DSCAML1: variants seen among roughly 807,000 people sequenced by gnomAD.
DSCAML1 encodes cell adhesion molecule DSCAML1.
DSCAML1 carries 38 observed loss-of-function variants against 200.5 expected under a neutral mutation model. That is an observed-to-expected ratio of 0.19 (90% CI 0.15 to 0.25). The LOEUF is 0.25. Among genes scored for constraint, DSCAML1 ranks in the 10% least tolerant of loss-of-function variants. The probability of loss-of-function intolerance (pLI) is 1.00; values close to 1 mark genes in which losing one functional copy is unlikely to be tolerated. For synonymous variants in DSCAML1, 1,215 were observed against 1,165.0 expected (o/e 1.04, Z -0.87); for missense variants, 2,223 against 2,858.8 (o/e 0.78, Z 5.07).
At chr11:117,808,186 C>T (rs1455315885) in intron 1 of DSCAML1, among the ~76,000 whole-genome samples, 1 of 152,202 alleles carries the variant, frequency 6.6e-6, no homozygotes, top group Admixed American at 6.5e-5. Flanking sequence ...CCGCATGTTA[C>T]AGATGAGGAA....
At chr11:117,468,974 T>C (rs1361918413) in intron 16 of DSCAML1, among the ~76,000 whole-genome samples, 2 of 151,940 alleles carry the variant, frequency 1.3e-5, no homozygotes, top group Non-Finnish European at 2.9e-5. Context: ...GCCCCACTGT[T>C]GAGATGGGAA....
chr11:117,795,553 CCTTGGTG>C (rs1460468279), intron 1 of DSCAML1, among the ~76,000 whole-genome samples: 1 of 152,014 alleles, frequency 6.6e-6, no homozygotes, highest in Non-Finnish European at 1.5e-5. Flanking sequence ...CAGAGACCAG[CCTTGGTG>C]TGTAACCCGG....
chr11:117,457,672 G>A (rs544195806), intron 19 of DSCAML1, among the ~76,000 whole-genome samples: 3 of 152,238 alleles, frequency 2.0e-5, no homozygotes, highest in East Asian at 1.9e-4. Flanking sequence ...AGGGAGAGCC[G>A]GGAGATTAAG....
chr11:117,536,345 C>T (rs1200894664), intron 3 of DSCAML1, among the ~76,000 whole-genome samples: 4 of 152,182 alleles, frequency 2.6e-5, no homozygotes, highest in South Asian at 2.1e-4. Flanking sequence ...GCTGGCCTCC[C>T]GGGCTGGCAG....
chr11:117,567,853 A>C (rs1202003982), intron 3 of DSCAML1, among the ~76,000 whole-genome samples: 1 of 152,098 alleles, frequency 6.6e-6, no homozygotes, highest in Non-Finnish European at 1.5e-5. Context: ...AAAAGAGGGA[A>C]TCCTCCCTAA....
intron 11 of DSCAML1, among the ~76,000 whole-genome samples, chr11:117,490,531 G>T (rs997588503): frequency 1.3e-5 from 2 of 152,158 alleles, no homozygotes; most frequent in Non-Finnish European, 2.9e-5. Flanking sequence ...TTCCACTGGG[G>T]TCCAACTTAA....
intron 3 of DSCAML1, among the ~76,000 whole-genome samples, chr11:117,715,953 A>G (rs1300044146): frequency 6.6e-6 from 1 of 151,778 alleles, no homozygotes; most frequent in Non-Finnish European, 1.5e-5. Flanking sequence ...TTATTGCTTT[A>G]TTTCCCACCC....
intron 3 of DSCAML1, among the ~76,000 whole-genome samples, chr11:117,545,226 T>TTAAA (rs2050348555): frequency 7.4e-6 from 1 of 135,928 alleles, no homozygotes; most frequent in African/African-American, 2.9e-5. Context: ...CAAGATTCCG[T>TTAAA]AAAAAAAAAC....
At chr11:117,569,910 C>T (rs2050818812) in intron 3 of DSCAML1, among the ~76,000 whole-genome samples, 1 of 152,218 alleles carries the variant, frequency 6.6e-6, no homozygotes, top group African/African-American at 2.4e-5. Flanking sequence ...CTGTGAAGAA[C>T]AGAGCTGTTC....
In DSCAML1 at chr11:117,815,786, G is replaced by A. The variant is rs182778342; in HGVS notation, c.-250+1604C>T. The stretch of plus-strand genomic sequence containing the variant: ...CCTGCACCCTGTGAAGGGAAGCTCA[G>A]AATTCAGGGAGACTCAGGGTCCCCT... On this transcript the variant is annotated intron_variant, in intron 1 of 2. Transcript: ENST00000525836. Among the ~76,000 whole-genome samples the A allele has an allele frequency of 5.7e-3, 865 of 151,322 alleles. 7 individuals carry two copies. The highest frequency in any genetic ancestry group is 0.019 in the African/African-American group (805 of 41,418).
chr11:117,656,793 T>C (rs2052745464), intron 3 of DSCAML1, among the ~76,000 whole-genome samples: 1 of 152,144 alleles, frequency 6.6e-6, no homozygotes, highest in South Asian at 2.1e-4. Flanking sequence ...GTCCAGTCCA[T>C]GCCCAGGCCA....
chr11:117,540,296 C>T (rs4938404), intron 3 of DSCAML1, among the ~76,000 whole-genome samples: 11,949 of 152,160 alleles, frequency 0.079, 601 homozygotes, highest in East Asian at 0.11. Flanking sequence ...CACAGGAGTG[C>T]GAACCCTATT....
chr11:117,746,815 T>C (rs1159155123), intron 3 of DSCAML1, among the ~76,000 whole-genome samples: 1 of 152,188 alleles, frequency 6.6e-6, no homozygotes, highest in Non-Finnish European at 1.5e-5. Context: ...ACTCTTCGCC[T>C]GAGAAACTCC....
In DSCAML1 at chr11:117,470,627, A is replaced by G. The variant is rs117341623; in HGVS notation, c.2954-647T>C. Among the ~76,000 whole-genome samples the G allele has an allele frequency of 3.8e-3, 573 of 152,340 alleles. 2 individuals are homozygous for G. Among genetic ancestry groups the G allele is most frequent in the South Asian group, 5.0e-3 (24 of 4,830 alleles). On this transcript the variant is annotated intron_variant, in intron 15 of 32. Transcript: ENST00000651296. ...GCCTGTTTGATGACTCTGTAATTCT[A>G]CAACTGCTTATATCCCCTAGAGAAA...
At chr11:117,617,752 T>A (rs1291112667) in intron 3 of DSCAML1, among the ~76,000 whole-genome samples, 1 of 150,236 alleles carries the variant, frequency 6.7e-6, no homozygotes, top group Non-Finnish European at 1.5e-5. Flanking sequence ...TGAAGCACCG[T>A]GACCCAGAAT....
intron 3 of DSCAML1, among the ~76,000 whole-genome samples, chr11:117,718,950 A>G (rs1163361563): frequency 1.3e-5 from 2 of 152,194 alleles, no homozygotes; most frequent in Admixed American, 6.5e-5. Context: ...CAGCACAGAC[A>G]AAACTTAAAG....
At chr11:117,775,066 A>G (rs1232674209) in intron 3 of DSCAML1, among the ~76,000 whole-genome samples, 1 of 152,192 alleles carries the variant, frequency 6.6e-6, no homozygotes, top group Non-Finnish European at 1.5e-5. Context: ...TGTTCTTTAA[A>G]TCACCTTAAA....
At chr11:117,626,094 C>G (rs1565834649) in intron 3 of DSCAML1, among the ~76,000 whole-genome samples, 1 of 152,150 alleles carries the variant, frequency 6.6e-6, no homozygotes, top group East Asian at 1.9e-4. Flanking sequence ...TTATCTGGAG[C>G]TGAGCTCTGG....
chr11:117,698,586 AT>A (rs898675914), intron 3 of DSCAML1, among the ~76,000 whole-genome samples: 14 of 151,402 alleles, frequency 9.2e-5, no homozygotes, highest in East Asian at 1.9e-4. Context: ...TGTTATTATT[AT>A]TTTTTTTTCT....
Sources: allele counts gnomAD v4.1 joint callset (sites outside exome capture counted in the v4.1 genomes callset), GRCh38; gene constraint gnomAD v4.1.1; transcripts MANE v1.5; gene names NCBI Gene and HGNC (gene_info 2026-07-23, HGNC 2026-07-21).